NTSR2: variants seen among roughly 807,000 people sequenced by gnomAD.
The protein encoded by NTSR2 is neurotensin receptor 2.
Under a neutral mutation model 24.1 loss-of-function variants are expected in NTSR2, and 22 were observed. That is an observed-to-expected ratio of 0.91 (90% CI 0.65 to 1.30). The LOEUF (loss-of-function observed/expected upper bound fraction) is 1.30. NTSR2 is among the 50% of genes most tolerant of loss of function. NTSR2 has a pLI of 0.00. For synonymous variants in NTSR2, 291 were observed against 267.0 expected (o/e 1.09, Z -0.88); for missense variants, 570 against 570.4 (o/e 1.00, Z 0.01).
At chr2:11,669,460 G>GGGGGGGGGGCGCCCC in intron 1 of NTSR2, 46 bp downstream of exon 1, 1 of 254,726 alleles carries the variant, frequency 3.9e-6, no homozygotes, top group Non-Finnish European at 6.9e-6. Context: ...TCCCAGCACC[G>GGGGGGGGGGCGCCCC]CCCCCCCACC....
chr2:11,660,310 C>A (rs1036023287), intron 2 of NTSR2, among the ~76,000 whole-genome samples, 177 bp from the exon 3 acceptor site: 16 of 152,174 alleles, frequency 1.1e-4, no homozygotes, highest in Non-Finnish European at 7.3e-5. Context: ...CGACCTGAAT[C>A]TCTTCTCAAA....
At chr2:11,663,976 A>G (rs1011976124) in intron 1 of NTSR2, among the ~76,000 whole-genome samples, 1 of 152,174 alleles carries the variant, frequency 6.6e-6, no homozygotes, top group African/African-American at 2.4e-5. Context: ...CATTGATACT[A>G]TGTGACTTAG....
At chr2:11,665,242 C>T (rs74824880) in intron 1 of NTSR2, 10,167 of 152,256 alleles carry the variant, frequency 0.067, 486 homozygotes, top group Admixed American at 0.12. Flanking sequence ...AGCGGCAATG[C>T]GCTGGCTCTT....
At chr2:11,660,804 C>T (rs1397537593) in intron 2 of NTSR2, among the ~76,000 whole-genome samples, 1 of 152,192 alleles carries the variant, frequency 6.6e-6, no homozygotes, top group Non-Finnish European at 1.5e-5. Context: ...TCCTTTAGTC[C>T]TTTCTCTGGT....
rs1458700908 is a variant in NTSR2, at chr2:11,669,714, T to C, written c.416A>G (p.Gln139Arg). Reference sequence around the variant, plus strand: ...CAGCAGGCTGCGGGCACGCAGGGGCTGGCACACGGCTAGGCAGCGCTCGGC... The same window carrying C: ...CAGCAGGCTGCGGGCACGCAGGGGCCGGCACACGGCTAGGCAGCGCTCGGC... ...LSAERCLAVC[Q>R]PLRARSLLTP... The change falls in exon 1 of 4, where the codon CAG (glutamine) becomes CGG (arginine). Residue 139 changes from glutamine (Q) to arginine (R), a missense_variant. Physicochemically the swap from Gln to Arg is conservative, Grantham distance 43. Coordinates refer to ENST00000306928, the MANE Select transcript of NTSR2 (RefSeq NM_012344.4). The C allele has an allele frequency of 2.6e-6, 4 of 1,530,474 alleles. No individual in the cohort carries two copies. In the Admixed American group the frequency reaches 7.9e-5, roughly 30 times the overall value. The allele number at this position is 1,530,474 out of a possible 1,614,324, so 94.8% of individuals were successfully genotyped here.
chr2:11,664,848 A>G (rs573561508), intron 1 of NTSR2, among the ~76,000 whole-genome samples: 1 of 152,276 alleles, frequency 6.6e-6, no homozygotes, highest in Non-Finnish European at 1.5e-5. Context: ...AATCAAAATA[A>G]TCCTAATTTG....
intron 1 of NTSR2, 36 bp downstream of exon 1, chr2:11,669,470 C>A (rs780572125): frequency 2.1e-4 from 36 of 170,462 alleles, no homozygotes; most frequent in Admixed American, 5.6e-4. Flanking sequence ...GCCCCCCCAC[C>A]CCCCCTCCCC....
intron 2 of NTSR2, among the ~76,000 whole-genome samples, chr2:11,661,256 C>T (rs73915470): frequency 0.014 from 2,080 of 152,354 alleles, 60 homozygotes; most frequent in African/African-American, 0.047. Flanking sequence ...GCAAATCTCC[C>T]GTCACTTATG....
At position 11,670,102 on chromosome 2, in the gene NTSR2, G is replaced by T. The variant is rs996807129; in HGVS notation, c.28C>A (p.Arg10=). 86 of 1,392,478 alleles carry T rather than the reference G, an allele frequency of 6.2e-5. No individual in the cohort carries two copies. The highest frequency in any genetic ancestry group is 2.2e-5 in the Non-Finnish European group (24 of 1,079,726). The allele number at this position is 1,392,478 out of a possible 1,614,324, so 86.3% of individuals were successfully genotyped here. A position where few individuals can be genotyped will look rare whatever the true frequency, so the allele number is the denominator to read the frequency against. METSSPRPP[R]PSSNPGLSLD... Reference sequence around the variant, plus strand: ...CTCAGCCCCGGGTTGGAGCTGGGCCGCGGGGGCCGCGGGCTGCTGGTTTCC... The same window carrying T: ...CTCAGCCCCGGGTTGGAGCTGGGCCTCGGGGGCCGCGGGCTGCTGGTTTCC... The change falls in exon 1 of 4, where the codon CGG becomes AGG. Residue 10 remains arginine (R), a synonymous_variant. Transcript: ENST00000306928.
intron 1 of NTSR2, among the ~76,000 whole-genome samples, chr2:11,666,632 G>A (rs1661207168): frequency 2.0e-5 from 3 of 152,222 alleles, no homozygotes; most frequent in Non-Finnish European, 2.9e-5. Flanking sequence ...CCAGAAGGCC[G>A]AGGTTGCAGT....
In NTSR2 at chr2:11,669,814, G is replaced by C. The variant is rs1310451970; in HGVS notation, c.316C>G (p.Leu106Val). 3.2e-6 allele frequency: 5 copies of C among 1,568,764 alleles called. No homozygotes were observed. The highest frequency in any genetic ancestry group is 2.6e-6 in the Non-Finnish European group (3 of 1,164,386). ...WFHYPWVFGD[L>V]GCRGYYFVHE... Reference sequence around the variant, plus strand: ...ACGAAGTAGTAGCCGCGGCAGCCCAGGTCGCCGAAGACCCAGGGGTAGTGG... The same window carrying C: ...ACGAAGTAGTAGCCGCGGCAGCCCACGTCGCCGAAGACCCAGGGGTAGTGG... The change falls in exon 1 of 4, where the codon CTG (leucine) becomes GTG (valine). Residue 106 changes from leucine (L) to valine (V), a missense_variant. Leu to Val is a conservative substitution (Grantham distance 32, BLOSUM62 1). Transcript: ENST00000306928.
chr2:11,669,457 A>ACCGGGGGGGGGGGGGGC, intron 1 of NTSR2, 49 bp downstream of exon 1: 1 of 221,428 alleles, frequency 4.5e-6, no homozygotes, highest in Non-Finnish European at 8.2e-6. Context: ...TCCTCCCAGC[A>ACCGGGGGGGGGGGGGGC]CCGCCCCCCC....
intron 1 of NTSR2, 48 bp downstream of exon 1, chr2:11,669,458 C>CCGGGGGGGGGGGGGGGGGGGG: frequency 3.1e-6 from 1 of 323,366 alleles, no homozygotes; most frequent in Non-Finnish European, 5.5e-6. Context: ...CCTCCCAGCA[C>CCGGGGGGGGGGGGGGGGGGGG]CGCCCCCCCA....
rs1265324559 is a variant in NTSR2, at chr2:11,662,198, CAGTT to C, written c.663_666del (p.Thr222LeufsTer3). 4 of 1,565,148 alleles carry C rather than the reference CAGTT, an allele frequency of 2.6e-6. No homozygotes were observed. In the African/African-American group the frequency reaches 4.1e-5, roughly 16 times the overall value. The stretch of plus-strand genomic sequence containing the variant: ...CTCACTGTGACCCCATTCAGGAAAG[CAGTT>C]AGTGCCAAGGGGAGCACGAAGGACA... On this transcript the variant is annotated frameshift_variant, in exon 2 of 4. Transcript: ENST00000306928. LOFTEE classifies it high-confidence loss of function.
chr2:11,658,610 GT>G lies in NTSR2; in HGVS notation c.1101del (p.Lys367AsnfsTer17), dbSNP rs767860386. 1 of 1,614,212 alleles carries G rather than the reference GT, an allele frequency of 6.2e-7. No individual in the cohort carries two copies. The highest frequency in any genetic ancestry group is 1.3e-5 in the African/African-American group (1 of 75,060). ...LYNAVSSSFRKLFLEAVSSLC... is the reference protein window; with the variant it reads ...LYNAVSSSFRXLFLEAVSSLC... ...AGGGAGCTGACGGCTTCCAGGAAGA[GT>G]TTTCTGAAGGAGGAGGACACGGCGT... On this transcript the variant is annotated frameshift_variant, in exon 4 of 4. Coordinates refer to ENST00000306928, the MANE Select transcript of NTSR2 (RefSeq NM_012344.4). LOFTEE classifies it low-confidence loss of function (END_TRUNC).
chr2:11,660,166 A>T (rs773897689), intron 2 of NTSR2, 33 bp from the exon 3 acceptor site: 1 of 1,546,342 alleles, frequency 6.5e-7, no homozygotes, highest in Non-Finnish European at 8.9e-7. Context: ...AGACAGCGCC[A>T]GGAGAAAGCA....
intron 1 of NTSR2, 46 bp downstream of exon 1, chr2:11,669,460 G>GGGGGGGGGGGGGGGGCCCCCCCCCCCCCC: frequency 3.5e-5 from 9 of 254,720 alleles, no homozygotes; most frequent in East Asian, 1.1e-4. Flanking sequence ...TCCCAGCACC[G>GGGGGGGGGGGGGGGGCCCCCCCCCCCCCC]CCCCCCCACC....
Position 11,667,278 on chromosome 2 carries a change from C to T in NTSR2, c.624+2228G>A, listed in dbSNP as rs184208771. Among the ~76,000 whole-genome samples, 6 of 152,150 alleles carry T rather than the reference C, an allele frequency of 3.9e-5. No homozygotes were observed. In the East Asian group the frequency reaches 1.2e-3, roughly 30 times the overall value. On this transcript the variant is annotated intron_variant, in intron 1 of 3. Transcript: ENST00000306928. ...GCAACATAGAGTTCTGACTACACCCCTCTCCAGCCTCTTTCCCCTTCCACA... is the reference window on the plus strand; with the variant it reads ...GCAACATAGAGTTCTGACTACACCCTTCTCCAGCCTCTTTCCCCTTCCACA...
At position 11,669,890 on chromosome 2, in the gene NTSR2, C is replaced by G. The variant is rs376195308; in HGVS notation, c.240G>C (p.Leu80=). Residue 80 remains leucine, a synonymous_variant, in exon 1 of 4, where the codon CTG becomes CTC. Transcript: ENST00000306928. The part of the protein sequence containing the change: ...HHVLSLALAG[L]LLLLVGVPVE... ...CCGGCACGCCGACCAGCAGCAGCAG[C>G]AGGCCCGCGAGCGCCAGGCTGAGCA... 3.2e-6 allele frequency: 5 copies of G among 1,577,722 alleles called. No individual in the cohort carries two copies. In the African/African-American group the frequency reaches 5.4e-5, roughly 17 times the overall value.
Sources: allele counts gnomAD v4.1 joint callset (sites outside exome capture counted in the v4.1 genomes callset), GRCh38; gene constraint gnomAD v4.1.1; transcripts MANE v1.5; gene names NCBI Gene and HGNC (gene_info 2026-07-23, HGNC 2026-07-21).